Variants in TAFA5 observed in about 807,000 individuals in gnomAD.
The protein encoded by TAFA5 is TAFA chemokine like family member 5.
In TAFA5, 6 loss-of-function variants were observed where a neutral mutation model predicts 15.3. That is an observed-to-expected ratio of 0.39 (90% CI 0.21 to 0.77). The LOEUF is 0.77. TAFA5 is among the 30% of genes least tolerant of loss of function. The probability of loss-of-function intolerance (pLI) is 0.41; values close to 1 mark genes in which losing one functional copy is unlikely to be tolerated. For missense variants in TAFA5, 161 were observed against 193.1 expected (o/e 0.83, Z 0.98); for synonymous variants, 103 against 80.7 (o/e 1.28, Z -1.48).
intron 1 of TAFA5, chr22:48,545,253 G>A (rs1193817779): frequency 3.8e-6 from 1 of 262,052 alleles, no homozygotes; most frequent in Non-Finnish European, 7.6e-6. Flanking sequence ...TTTGGCGTAA[G>A]GCCTCTGGTC....
At chr22:48,612,849 G>T (rs1424666761) in intron 1 of TAFA5, among the ~76,000 whole-genome samples, 1 of 152,172 alleles carries the variant, frequency 6.6e-6, no homozygotes, top group Non-Finnish European at 1.5e-5. Flanking sequence ...TTGAGAGGGG[G>T]TTTCTGACAG....
intron 3 of TAFA5, among the ~76,000 whole-genome samples, chr22:48,743,293 T>C (rs1299123617): frequency 6.6e-6 from 1 of 152,048 alleles, no homozygotes; most frequent in Non-Finnish European, 1.5e-5. Flanking sequence ...CAGCAGAGGG[T>C]CCTCCCTGCC....
intron 1 of TAFA5, among the ~76,000 whole-genome samples, chr22:48,596,112 G>A (rs912873140): frequency 1.3e-5 from 2 of 152,182 alleles, no homozygotes; most frequent in South Asian, 2.1e-4. Flanking sequence ...TTCAAAGCTC[G>A]GCTAATCTGT....
Position 48,573,040 on chromosome 22 carries a change from G to A in TAFA5, c.113-73557G>A, listed in dbSNP as rs5768739. ...CTCAGGCACTGTGGGGACTGTCCCCGGGCAGAAGGCACCCCCTCTGTGGAC... is the reference window on the plus strand; with the variant it reads ...CTCAGGCACTGTGGGGACTGTCCCCAGGCAGAAGGCACCCCCTCTGTGGAC... On this transcript the variant is annotated intron_variant, in intron 1 of 3. Transcript: ENST00000402357. 0.018 allele frequency among the ~76,000 whole-genome samples: 2,706 copies of A among 152,246 alleles called. 148 individuals are homozygous for A. The East Asian group carries it at 0.23, about 13-fold the overall frequency.
intron 2 of TAFA5, among the ~76,000 whole-genome samples, chr22:48,691,687 G>C (rs1928546512): frequency 6.6e-6 from 1 of 152,236 alleles, no homozygotes; most frequent in Non-Finnish European, 1.5e-5. Context: ...CCCACCTGTG[G>C]ACCCTACGGG....
chr22:48,549,423 G>A (rs528758772), intron 1 of TAFA5, among the ~76,000 whole-genome samples: 6 of 152,346 alleles, frequency 3.9e-5, no homozygotes, highest in Admixed American at 1.3e-4. Flanking sequence ...TACTGGATCC[G>A]TGCTCTTCTG....
rs5768718 is a variant in TAFA5, at chr22:48,543,692, G to A, written c.112+53988G>A. 0.016 allele frequency: 2,507 copies of A among 152,636 alleles called. 122 individuals carry two copies. The East Asian group carries it at 0.18, about 11-fold the overall frequency. 9.5% of individuals were successfully genotyped at this position (152,636 alleles called of 1,614,324 possible). On this transcript the variant is annotated intron_variant, in intron 1 of 3. Coordinates refer to ENST00000402357, the MANE Select transcript of TAFA5 (RefSeq NM_001082967.3). ...TTCCTGGGGGACTGTGTCCCTGCTC[G>A]GGCAGAGCCCACTGACTCCAGGCCT... is the stretch of plus-strand genomic sequence containing the variant.
At chr22:48,654,679 C>T (rs995003179) in intron 2 of TAFA5, among the ~76,000 whole-genome samples, 2 of 152,142 alleles carry the variant, frequency 1.3e-5, no homozygotes, top group African/African-American at 2.4e-5. Context: ...AATTTTTTTT[C>T]GAATTCTGTC....
intron 1 of TAFA5, among the ~76,000 whole-genome samples, chr22:48,621,044 C>G (rs1569051262): frequency 8.2e-6 from 1 of 121,482 alleles, no homozygotes; most frequent in Non-Finnish European, 1.7e-5. Context: ...ACCCTCCCAC[C>G]CATCCACCCA....
chr22:48,714,438 A>C (rs1373993468), intron 3 of TAFA5, among the ~76,000 whole-genome samples: 1 of 152,168 alleles, frequency 6.6e-6, no homozygotes, highest in Non-Finnish European at 1.5e-5. Flanking sequence ...AGGTGGGCCC[A>C]GTTGACAGGC....
At chr22:48,495,874 G>A (rs1428656397) in intron 1 of TAFA5, among the ~76,000 whole-genome samples, 1 of 152,204 alleles carries the variant, frequency 6.6e-6, no homozygotes, top group East Asian at 1.9e-4. Context: ...GCCCAGGTGG[G>A]AGTCTCCATC....
At chr22:48,629,280 C>A (rs1926130398) in intron 1 of TAFA5, among the ~76,000 whole-genome samples, 1 of 152,192 alleles carries the variant, frequency 6.6e-6, no homozygotes, top group South Asian at 2.1e-4. Context: ...CACGCCCTCT[C>A]CCAGGCCTCC....
At chr22:48,510,518 G>A (rs1459665363) in intron 1 of TAFA5, among the ~76,000 whole-genome samples, 1 of 152,254 alleles carries the variant, frequency 6.6e-6, no homozygotes, top group Non-Finnish European at 1.5e-5. Flanking sequence ...AAATGTGAGT[G>A]CAAACCTTCA....
intron 2 of TAFA5, among the ~76,000 whole-genome samples, chr22:48,681,742 C>T (rs183701008): frequency 5.4e-4 from 82 of 152,162 alleles, no homozygotes; most frequent in African/African-American, 1.9e-3. Context: ...ACAGAACACA[C>T]GTGTAGTTAT....
chr22:48,691,570 C>T (rs1928542191), intron 2 of TAFA5, among the ~76,000 whole-genome samples: 1 of 152,212 alleles, frequency 6.6e-6, no homozygotes, highest in Admixed American at 6.5e-5. Context: ...CTCACAGTCG[C>T]AGTGGCATGG....
At chr22:48,739,977 C>T (rs1016474871) in intron 3 of TAFA5, among the ~76,000 whole-genome samples, 3 of 152,166 alleles carry the variant, frequency 2.0e-5, no homozygotes, top group Admixed American at 2.0e-4. Context: ...GACTGCAGGT[C>T]GGCTTTCTAA....
intron 1 of TAFA5, among the ~76,000 whole-genome samples, chr22:48,588,451 A>G (rs569665187): frequency 6.6e-6 from 1 of 152,130 alleles, no homozygotes; most frequent in South Asian, 2.1e-4. Flanking sequence ...TGGGGGAAGG[A>G]AGGCATTGCT....
chr22:48,718,152 C>G (rs1026536902), intron 3 of TAFA5, among the ~76,000 whole-genome samples: 1 of 152,186 alleles, frequency 6.6e-6, no homozygotes, highest in African/African-American at 2.4e-5. Flanking sequence ...CTCCCAGAGA[C>G]AGGCAGGCGA....
intron 1 of TAFA5, among the ~76,000 whole-genome samples, chr22:48,542,106 GGTGTGT>G (rs567200946): frequency 9.3e-5 from 4 of 43,140 alleles, no homozygotes; most frequent in African/African-American, 1.7e-4. Flanking sequence ...ATGTGTGTGT[GGTGTGT>G]GTGTGTGTGG....
Sources: gnomAD v4.1 joint callset for allele counts (sites outside exome capture counted in the v4.1 genomes callset) on GRCh38, gnomAD v4.1.1 for gene constraint, MANE v1.5 for transcripts, NCBI Gene and HGNC (gene_info 2026-07-23, HGNC 2026-07-21) for gene names.